CIMIP4: variants seen among roughly 807,000 people sequenced by gnomAD.
The protein encoded by CIMIP4 is ciliary microtubule inner protein 4.
chr22:36,991,203 G>T, the CIMIP4 span: 7 of 1,614,018 alleles, frequency 4.3e-6, no homozygotes, highest in African/African-American at 5.3e-5. Context: ...TCTTGGATTT[G>T]CTGTTTTCTC....
chr22:36,999,963 CTTCATCAATAGCCTT>C, the CIMIP4 span: 20 of 1,612,974 alleles, frequency 1.2e-5, no homozygotes, highest in South Asian at 2.1e-4. Context: ...CCCTCGAAGA[CTTCATCAATAGCCTT>C]TTGAGCCTGA....
chr22:36,994,944 T>C, the CIMIP4 span, among the ~76,000 whole-genome samples: 2 of 152,316 alleles, frequency 1.3e-5, no homozygotes, highest in African/African-American at 4.8e-5. Context: ...GAGATTATTC[T>C]TAAGCACACA....
At chr22:37,001,966 A>T in the CIMIP4 span, 1 of 1,613,890 alleles carries the variant, frequency 6.2e-7, no homozygotes, top group Non-Finnish European at 8.5e-7. Context: ...TGGGACCGTC[A>T]TCCGTCCCCT....
chr22:37,001,887 G>A, the CIMIP4 span: 18 of 1,610,886 alleles, frequency 1.1e-5, no homozygotes, highest in East Asian at 6.7e-5. Flanking sequence ...AACTTGTGGC[G>A]AATGTTGTTA....
At chr22:37,001,821 G>T in the CIMIP4 span, 1 of 1,541,052 alleles carries the variant, frequency 6.5e-7, no homozygotes, top group Non-Finnish European at 8.8e-7. Flanking sequence ...CACCCTCCTG[G>T]CCCCTGCTAT....
At chr22:36,994,157 C>T in the CIMIP4 span, among the ~76,000 whole-genome samples, 1 of 152,062 alleles carries the variant, frequency 6.6e-6, no homozygotes, top group Non-Finnish European at 1.5e-5. Flanking sequence ...GACAAATGGA[C>T]AAAGCTGCTA....
chr22:37,005,302 T>A, the CIMIP4 span, among the ~76,000 whole-genome samples: 1 of 152,182 alleles, frequency 6.6e-6, no homozygotes, highest in Non-Finnish European at 1.5e-5. Context: ...CCCAGCCAAG[T>A]GAGCATCCTG....
the CIMIP4 span, among the ~76,000 whole-genome samples, chr22:37,006,403 T>C: frequency 6.6e-6 from 1 of 152,204 alleles, no homozygotes; most frequent in Non-Finnish European, 1.5e-5. Flanking sequence ...GAACATTGAC[T>C]CCATGTCTCC....
the CIMIP4 span, chr22:36,991,589 C>T: frequency 5.0e-6 from 8 of 1,613,988 alleles, no homozygotes; most frequent in South Asian, 4.4e-5. Flanking sequence ...TCCTCAGCAG[C>T]CCCTGTAGAA....
chr22:37,006,066 T>C, the CIMIP4 span, among the ~76,000 whole-genome samples: 3 of 152,104 alleles, frequency 2.0e-5, no homozygotes, highest in South Asian at 2.1e-4. Flanking sequence ...AACAGAACCA[T>C]AGGACCTCTA....
the CIMIP4 span, among the ~76,000 whole-genome samples, chr22:37,002,577 A>C: frequency 6.6e-6 from 1 of 152,166 alleles, no homozygotes; most frequent in Non-Finnish European, 1.5e-5. Flanking sequence ...TGGGGCAACA[A>C]GGGCTGCCGC....
At chr22:36,995,998 G>C in the CIMIP4 span, among the ~76,000 whole-genome samples, 2 of 152,120 alleles carry the variant, frequency 1.3e-5, no homozygotes, top group African/African-American at 4.8e-5. Context: ...CTGATATAAA[G>C]GTAAGAAAAG....
chr22:36,997,538 C>G, the CIMIP4 span, among the ~76,000 whole-genome samples: 8 of 152,342 alleles, frequency 5.3e-5, no homozygotes, highest in Non-Finnish European at 1.0e-4. Flanking sequence ...CACAATGGTG[C>G]CTTCCAAAAT....
chr22:36,993,914 A>G, the CIMIP4 span, among the ~76,000 whole-genome samples: 9 of 152,342 alleles, frequency 5.9e-5, no homozygotes, highest in East Asian at 1.5e-3. Flanking sequence ...CATTGAAGGC[A>G]TATTTAAAAG....
chr22:37,001,843 C>G, the CIMIP4 span: 2 of 1,582,252 alleles, frequency 1.3e-6, no homozygotes, highest in Non-Finnish European at 1.7e-6. Flanking sequence ...ACACCTGCTC[C>G]TCGGAGACCA....
the CIMIP4 span, among the ~76,000 whole-genome samples, chr22:36,996,712 CT>C: frequency 6.6e-6 from 1 of 152,024 alleles, no homozygotes; most frequent in African/African-American, 2.4e-5. Context: ...AGTAAAGGGC[CT>C]AGAAACCCAA....
the CIMIP4 span, among the ~76,000 whole-genome samples, chr22:36,995,109 A>G: frequency 6.6e-6 from 1 of 152,248 alleles, no homozygotes; most frequent in Admixed American, 6.5e-5. Flanking sequence ...AAACCAAGAA[A>G]GAGGAAGACA....
At chr22:36,995,690 T>C in the CIMIP4 span, among the ~76,000 whole-genome samples, 1 of 152,200 alleles carries the variant, frequency 6.6e-6, no homozygotes, top group Non-Finnish European at 1.5e-5. Context: ...TCATGAGATC[T>C]GATGGCTTTA....
At chr22:36,994,611 C>A in the CIMIP4 span, among the ~76,000 whole-genome samples, 28 of 148,826 alleles carry the variant, frequency 1.9e-4, no homozygotes, top group African/African-American at 6.7e-4. Flanking sequence ...TTGTGATCTG[C>A]CTGGCTCCGC....
Sources: gnomAD v4.1 joint callset for allele counts (sites outside exome capture counted in the v4.1 genomes callset) on GRCh38, gnomAD v4.1.1 for gene constraint, MANE v1.5 for transcripts, NCBI Gene and HGNC (gene_info 2026-07-23, HGNC 2026-07-21) for gene names.